Variants in NEDD1 observed in about 807,000 individuals in gnomAD.
NEDD1 encodes protein NEDD1.
NEDD1 carries 33 observed loss-of-function variants against 74.0 expected under a neutral mutation model. The ratio of observed to expected loss-of-function variants is 0.45; its 90% confidence interval spans 0.34 to 0.60. The LOEUF (loss-of-function observed/expected upper bound fraction) is 0.60, where lower values mean the gene tolerates loss of function less well. NEDD1 is among the 20% of genes least tolerant of loss of function. NEDD1 has a pLI of 0.01. For missense variants in NEDD1, 746 were observed against 776.5 expected, an observed-to-expected ratio of 0.96 and a Z score of 0.47; for synonymous variants, 250 against 264.4, an observed-to-expected ratio of 0.95 and a Z score of 0.53.
intron 6 of NEDD1, among the ~76,000 whole-genome samples, chr12:96,925,760 G>A (rs1875622947): frequency 6.6e-6 from 1 of 152,274 alleles, no homozygotes; most frequent in Non-Finnish European, 1.5e-5. Context: ...ATATCTTTTA[G>A]TTTAGGAAAA....
chr12:96,918,785 A>T (rs948825070), intron 5 of NEDD1, among the ~76,000 whole-genome samples: 1 of 152,198 alleles, frequency 6.6e-6, no homozygotes, highest in Non-Finnish European at 1.5e-5. Context: ...TTGCCTCTTT[A>T]TAAAGTCATA....
At chr12:96,942,360 A>G (rs1311359265) in intron 10 of NEDD1, among the ~76,000 whole-genome samples, 1 of 152,128 alleles carries the variant, frequency 6.6e-6, no homozygotes, top group Admixed American at 6.6e-5. Flanking sequence ...TGACTGTACT[A>G]TAGAATTATC....
intron 6 of NEDD1, chr12:96,924,819 A>T (rs1307023455): frequency 4.4e-6 from 2 of 450,410 alleles, no homozygotes; most frequent in Non-Finnish European, 4.4e-6. Context: ...CTTTTTCTTT[A>T]TTGCGTTGAC....
intron 15 of NEDD1, 116 bp from the exon 16 acceptor site, chr12:96,951,833 T>C: frequency 3.2e-6 from 2 of 624,468 alleles, no homozygotes; most frequent in South Asian, 2.0e-5. Context: ...ACAAGAAATA[T>C]CATTCACCTA....
At position 96,909,753 on chromosome 12, in the gene NEDD1, C is replaced by T. The variant is rs776124086; in HGVS notation, c.-7C>T. 27 of 1,608,202 alleles carry T rather than the reference C, an allele frequency of 1.7e-5. No individual in the cohort carries two copies. The highest frequency in any genetic ancestry group is 1.0e-4 in the Admixed American group (6 of 59,506). On this transcript the variant is annotated splice_region_variant and 5_prime_UTR_variant, in exon 3 of 16. Transcript: ENST00000266742. ...TACATTGTTTTAAACTATTTGTAGG[C>T]GCAGTCATGCAGGAAAACCTCAGAT... is the stretch of plus-strand genomic sequence containing the variant.
In NEDD1 at chr12:96,930,185, ACACACACACACACACACACACACACACT is replaced by A. The variant is rs1454697041; in HGVS notation, c.490-4789_490-4762del. On this transcript the variant is annotated intron_variant, in intron 6 of 15. Coordinates refer to ENST00000266742, the MANE Select transcript of NEDD1 (RefSeq NM_152905.4). Reference sequence around the variant, plus strand: ...CACACACACACACACACACACACACACACACACACACACACACACACACACACTCTCTCTCTCTCTCTCTCTCTCTCTC... The same window carrying A: ...CACACACACACACACACACACACACACTCTCTCTCTCTCTCTCTCTCTCTC... Among the ~76,000 whole-genome samples, 1,177 of 140,078 alleles carry A rather than the reference ACACACACACACACACACACACACACACT, an allele frequency of 8.4e-3. 8 individuals are homozygous for A. The highest frequency in any genetic ancestry group is 0.013 in the Non-Finnish European group (841 of 65,884). The allele number at this position is 140,078 out of a possible 152,430, so 91.9% of individuals were successfully genotyped here.
intron 6 of NEDD1, among the ~76,000 whole-genome samples, chr12:96,926,859 C>T (rs978036482): frequency 7.9e-5 from 12 of 151,596 alleles, no homozygotes; most frequent in East Asian, 2.0e-4. Context: ...TGGTGGTGCG[C>T]GCCTATAGTC....
At chr12:96,921,680 T>C (rs1565791748) in intron 6 of NEDD1, among the ~76,000 whole-genome samples, 2 of 151,570 alleles carry the variant, frequency 1.3e-5, no homozygotes, top group African/African-American at 4.9e-5. Flanking sequence ...TTTTCTTTCT[T>C]AGAGAGTCTT....
chr12:96,932,748 A>G (rs1036859871), intron 6 of NEDD1, among the ~76,000 whole-genome samples: 1 of 151,612 alleles, frequency 6.6e-6, no homozygotes, highest in Non-Finnish European at 1.5e-5. Flanking sequence ...TGGTGGGTAC[A>G]TAAGCAATGA....
intron 12 of NEDD1, 83 bp downstream of exon 12, chr12:96,943,845 T>A: frequency 1.3e-6 from 1 of 761,608 alleles, no homozygotes; most frequent in Non-Finnish European, 2.2e-6. Flanking sequence ...GTATCCTAAT[T>A]ATTAGCATTG....
chr12:96,937,139 T>G lies in NEDD1; in HGVS notation c.922-59T>G, dbSNP rs1877193380. 5 of 912,104 alleles carry G rather than the reference T, an allele frequency of 5.5e-6. No homozygotes were observed. In the East Asian group the frequency reaches 1.5e-4, roughly 27 times the overall value. The allele number at this position is 912,104 out of a possible 1,614,324, so 56.5% of individuals were successfully genotyped here. A position where few individuals can be genotyped will look rare whatever the true frequency, so the allele number is the denominator to read the frequency against. ...AATCTAACAGGGAATTTATAAAATA[T>G]TAATGTATAGTATGAAACATTAGTA... is the stretch of plus-strand genomic sequence containing the variant. On this transcript the variant is annotated intron_variant, in intron 8 of 15. Coordinates refer to ENST00000266742, the MANE Select transcript of NEDD1 (RefSeq NM_152905.4).
At chr12:96,939,165 GT>G (rs1161606984) in intron 9 of NEDD1, among the ~76,000 whole-genome samples, 2 of 151,974 alleles carry the variant, frequency 1.3e-5, no homozygotes, top group African/African-American at 4.8e-5. Context: ...TTCTATTGAA[GT>G]TGTCCTGATT....
At chr12:96,948,030 G>A (rs973770982) in intron 14 of NEDD1, among the ~76,000 whole-genome samples, 1 of 152,128 alleles carries the variant, frequency 6.6e-6, no homozygotes, top group African/African-American at 2.4e-5. Context: ...GTGTTCATCA[G>A]ACTAGGTGTT....
chr12:96,909,710 T>G lies in NEDD1; in HGVS notation c.-8-42T>G, dbSNP rs755957451. 5 of 1,533,208 alleles carry G rather than the reference T, an allele frequency of 3.3e-6. No individual in the cohort carries two copies. In the Admixed American group the frequency reaches 7.2e-5, roughly 22 times the overall value. 95.0% of individuals were successfully genotyped at this position (1,533,208 alleles called of 1,614,324 possible). ...TTGACCTTTTTTTGAGTATGTCTAT[T>G]CTTAAATGTTTTTAAAATACATTGT... On this transcript the variant is annotated intron_variant, in intron 2 of 15. Transcript: ENST00000266742.
At chr12:96,910,764 C>T (rs1873838665) in intron 3 of NEDD1, among the ~76,000 whole-genome samples, 1 of 152,144 alleles carries the variant, frequency 6.6e-6, no homozygotes, top group African/African-American at 2.4e-5. Context: ...CTCCTATCAC[C>T]TTTTATGTGA....
chr12:96,933,262 TATGGTGTTTTTA>T (rs914231243), intron 6 of NEDD1, among the ~76,000 whole-genome samples: 2 of 152,178 alleles, frequency 1.3e-5, no homozygotes, highest in Non-Finnish European at 2.9e-5. Context: ...CTGTGATTTT[TATGGTGTTTTTA>T]AAAATTCTAC....
At chr12:96,921,265 A>G (rs1268527482) in intron 6 of NEDD1, among the ~76,000 whole-genome samples, 1 of 151,982 alleles carries the variant, frequency 6.6e-6, no homozygotes, top group Non-Finnish European at 1.5e-5. Flanking sequence ...CACTGCAACC[A>G]CTGTCTCCCG....
chr12:96,907,321 A>T, intron 1 of NEDD1, 21 bp downstream of exon 1: 1 of 359,016 alleles, frequency 2.8e-6, no homozygotes, highest in Middle Eastern at 7.5e-4. Flanking sequence ...GGAGGCCCTG[A>T]GGTCAGCGGG....
chr12:96,912,593 A>T, intron 3 of NEDD1, 130 bp from the exon 4 acceptor site: 1 of 510,650 alleles, frequency 2.0e-6, no homozygotes, highest in Non-Finnish European at 3.5e-6. Context: ...GCCATTTTTG[A>T]AAGCTACTCT....
Sources: allele counts gnomAD v4.1 joint callset (sites outside exome capture counted in the v4.1 genomes callset), GRCh38; gene constraint gnomAD v4.1.1; transcripts MANE v1.5; gene names NCBI Gene and HGNC (gene_info 2026-07-23, HGNC 2026-07-21).